Variants in PLCXD3 observed in about 807,000 individuals in gnomAD.
The protein encoded by PLCXD3 is PI-PLC X domain-containing protein 3.
Under a neutral mutation model 25.5 loss-of-function variants are expected in PLCXD3, and 19 were observed. That is an observed-to-expected ratio of 0.75 (90% CI 0.52 to 1.09). The LOEUF (loss-of-function observed/expected upper bound fraction) is 1.09, where lower values mean the gene tolerates loss of function less well. Ranked by LOEUF, PLCXD3 falls within the 50% of genes least tolerant of loss-of-function variation. The pLI, the probability that PLCXD3 is intolerant of heterozygous loss-of-function variation, is 0.00. For synonymous variants in PLCXD3, 174 were observed against 137.6 expected, an observed-to-expected ratio of 1.26 and a Z score of -1.85; for missense variants, 411 against 388.1, an observed-to-expected ratio of 1.06 and a Z score of -0.50.
chr5:41,484,447 T>C lies in PLCXD3; in HGVS notation c.103+25977A>G, dbSNP rs1208775322. 2.6e-5 allele frequency among the ~76,000 whole-genome samples: 4 copies of C among 152,298 alleles called. No homozygotes were observed. The East Asian group carries it at 7.7e-4, about 29-fold the overall frequency. ...TTGAAGTCCAGCAGCTTTTTCTTTT[T>C]CCAAATCGTTTATTTGATCAACATT... On this transcript the variant is annotated intron_variant, in intron 1 of 2. Coordinates refer to ENST00000377801, the MANE Select transcript of PLCXD3 (RefSeq NM_001005473.3).
At chr5:41,400,425 T>C (rs530160913) in intron 1 of PLCXD3, among the ~76,000 whole-genome samples, 2 of 152,232 alleles carry the variant, frequency 1.3e-5, no homozygotes, top group African/African-American at 4.8e-5. Context: ...ACCTAAGATT[T>C]GGAAGCAACC....
intron 1 of PLCXD3, among the ~76,000 whole-genome samples, chr5:41,442,345 A>G (rs561875818): frequency 2.5e-4 from 38 of 152,348 alleles, no homozygotes; most frequent in African/African-American, 8.9e-4. Context: ...GTGCCAAAGA[A>G]GTTCACTAAC....
intron 1 of PLCXD3, among the ~76,000 whole-genome samples, chr5:41,441,402 A>G (rs1487325343): frequency 2.6e-5 from 4 of 152,328 alleles, no homozygotes; most frequent in Middle Eastern, 6.8e-3. Flanking sequence ...ATGCATTGGG[A>G]ATACGTTCGT....
At chr5:41,387,277 C>G (rs773600880) in intron 1 of PLCXD3, among the ~76,000 whole-genome samples, 1 of 152,084 alleles carries the variant, frequency 6.6e-6, no homozygotes. Context: ...CAAAAGAGAT[C>G]GCAGTCTTGG....
At chr5:41,331,634 A>T (rs543622324) in intron 2 of PLCXD3, among the ~76,000 whole-genome samples, 11 of 152,306 alleles carry the variant, frequency 7.2e-5, no homozygotes, top group Admixed American at 4.6e-4. Flanking sequence ...CGCATCCCCA[A>T]GTCAATCCTA....
At chr5:41,329,814 TATTA>T (rs748792328) in intron 2 of PLCXD3, among the ~76,000 whole-genome samples, 1 of 144,388 alleles carries the variant, frequency 6.9e-6, no homozygotes, top group African/African-American at 2.7e-5. Flanking sequence ...TTTTATTATA[TATTA>T]ATTATTAATT....
At chr5:41,379,977 C>T (rs942302575) in intron 2 of PLCXD3, among the ~76,000 whole-genome samples, 1 of 151,978 alleles carries the variant, frequency 6.6e-6, no homozygotes, top group Non-Finnish European at 1.5e-5. Context: ...ACAGAGCAGT[C>T]CCGGCTAATG....
intron 1 of PLCXD3, among the ~76,000 whole-genome samples, chr5:41,436,477 G>T (rs1007388914): frequency 6.6e-6 from 1 of 152,134 alleles, no homozygotes; most frequent in Non-Finnish European, 1.5e-5. Flanking sequence ...TTCAGAGTTT[G>T]CTACTTAATA....
intron 1 of PLCXD3, among the ~76,000 whole-genome samples, chr5:41,390,658 T>A (rs1316231077): frequency 6.6e-6 from 1 of 152,078 alleles, no homozygotes; most frequent in Non-Finnish European, 1.5e-5. Context: ...GAGGGTGGAA[T>A]AGAAGGCTCC....
At chr5:41,488,254 G>A (rs1266514251) in intron 1 of PLCXD3, among the ~76,000 whole-genome samples, 1 of 146,154 alleles carries the variant, frequency 6.8e-6, no homozygotes, top group African/African-American at 2.6e-5. Flanking sequence ...CAAAGGACAT[G>A]AACTCATCAT....
intron 1 of PLCXD3, among the ~76,000 whole-genome samples, chr5:41,432,480 G>T (rs2150509081): frequency 6.6e-6 from 1 of 152,324 alleles, no homozygotes; most frequent in East Asian, 1.9e-4. Context: ...CATTGAGGTT[G>T]TTCATTCCTT....
chr5:41,325,929 T>C (rs559117910), intron 2 of PLCXD3, among the ~76,000 whole-genome samples: 1 of 152,322 alleles, frequency 6.6e-6, no homozygotes, highest in South Asian at 2.1e-4. Context: ...AGTTTTCTCA[T>C]TGTGTCTTCA....
At chr5:41,341,395 A>G (rs1255511410) in intron 2 of PLCXD3, among the ~76,000 whole-genome samples, 1 of 152,228 alleles carries the variant, frequency 6.6e-6, no homozygotes, top group Non-Finnish European at 1.5e-5. Flanking sequence ...GCATGAAAAT[A>G]CATCATTCTA....
intron 1 of PLCXD3, among the ~76,000 whole-genome samples, chr5:41,412,409 A>G (rs950259739): frequency 6.6e-6 from 1 of 152,202 alleles, no homozygotes; most frequent in Non-Finnish European, 1.5e-5. Flanking sequence ...TTTATAATAA[A>G]TTCTCAGAAA....
chr5:41,420,722 T>C (rs972613726), intron 1 of PLCXD3, among the ~76,000 whole-genome samples: 1 of 152,222 alleles, frequency 6.6e-6, no homozygotes, highest in Non-Finnish European at 1.5e-5. Context: ...GATAATTGTA[T>C]ACAATAAGCC....
intron 1 of PLCXD3, among the ~76,000 whole-genome samples, chr5:41,494,141 C>T (rs946451289): frequency 6.6e-6 from 1 of 152,208 alleles, no homozygotes; most frequent in African/African-American, 2.4e-5. Context: ...CTCTAATGCC[C>T]AGGCTGAAGT....
intron 2 of PLCXD3, among the ~76,000 whole-genome samples, chr5:41,348,104 A>G (rs1744349961): frequency 6.6e-6 from 1 of 152,212 alleles, no homozygotes; most frequent in Non-Finnish European, 1.5e-5. Context: ...GGAATTCCTT[A>G]TTGTAAAATG....
At chr5:41,499,490 A>G (rs1748910177) in intron 1 of PLCXD3, among the ~76,000 whole-genome samples, 1 of 151,824 alleles carries the variant, frequency 6.6e-6, no homozygotes, top group Non-Finnish European at 1.5e-5. Context: ...GAAAGAAATT[A>G]AAGAACACGC....
At chr5:41,319,525 G>C (rs1381584884) in intron 2 of PLCXD3, among the ~76,000 whole-genome samples, 1 of 152,064 alleles carries the variant, frequency 6.6e-6, no homozygotes, top group Non-Finnish European at 1.5e-5. Context: ...GGTCAATGAA[G>C]ACATTAAGAA....
Sources: gnomAD v4.1 joint callset for allele counts (sites outside exome capture counted in the v4.1 genomes callset) on GRCh38, gnomAD v4.1.1 for gene constraint, MANE v1.5 for transcripts, NCBI Gene and HGNC (gene_info 2026-07-23, HGNC 2026-07-21) for gene names.